NSRP1: variants seen among roughly 807,000 people sequenced by gnomAD.
NSRP1 encodes coiled-coil domain containing 55.
Under a neutral mutation model 54.7 loss-of-function variants are expected in NSRP1, and 24 were observed. That is an observed-to-expected ratio of 0.44 (90% CI 0.32 to 0.62). NSRP1 has a LOEUF of 0.62. NSRP1 is among the 20% of genes least tolerant of loss of function. NSRP1 has a pLI of 0.06. For synonymous variants in NSRP1, 210 were observed against 213.8 expected (o/e 0.98, Z 0.15); for missense variants, 596 against 651.2 (o/e 0.92, Z 0.92).
intron 2 of NSRP1, among the ~76,000 whole-genome samples, chr17:30,142,711 C>T (rs970982079): frequency 1.3e-5 from 2 of 152,182 alleles, no homozygotes; most frequent in African/African-American, 4.8e-5. Flanking sequence ...ATAATTATAT[C>T]TGTGCAGTAA....
In NSRP1 at chr17:30,184,989, A is replaced by T. The variant is rs1157248115; in HGVS notation, c.992A>T (p.His331Leu). 1 of 1,614,114 alleles carries T rather than the reference A, an allele frequency of 6.2e-7. No individual in the cohort carries two copies. The highest frequency in any genetic ancestry group is 1.7e-5 in the Admixed American group (1 of 60,004). ...AAGCAATCCAGAGACCAAGAGAACC[A>T]TTACACTGACCGTGATTACCGGAAA... The part of the protein sequence containing the change: ...QQKQSRDQEN[H>L]YTDRDYRKER... The change falls in exon 7 of 7, where the codon CAT (histidine) becomes CTT (leucine). Residue 331 changes from histidine to leucine, a missense_variant. Transcript: ENST00000247026.
At chr17:30,170,563 A>T (rs1904892509) in intron 2 of NSRP1, among the ~76,000 whole-genome samples, 1 of 152,176 alleles carries the variant, frequency 6.6e-6, no homozygotes, top group Non-Finnish European at 1.5e-5. Context: ...CTGGCTTACC[A>T]TGTAGCATAA....
chr17:30,118,649 C>T (rs1174056503), intron 2 of NSRP1, among the ~76,000 whole-genome samples: 1 of 151,858 alleles, frequency 6.6e-6, no homozygotes, highest in Non-Finnish European at 1.5e-5. Flanking sequence ...ACTACAGTAA[C>T]ATCTAATATC....
chr17:30,117,004 A>G (rs2071539995), intron 1 of NSRP1, 141 bp downstream of exon 1: 10 of 1,070,696 alleles, frequency 9.3e-6, no homozygotes, highest in Non-Finnish European at 1.3e-5. Context: ...AGAAGTCCTG[A>G]GGAACATAGA....
chr17:30,140,631 C>G (rs1427860780), intron 2 of NSRP1, among the ~76,000 whole-genome samples: 1 of 145,298 alleles, frequency 6.9e-6, no homozygotes, highest in Admixed American at 7.2e-5. Flanking sequence ...CAGGCTCAAG[C>G]GATTCTCCTG....
Position 30,176,619 on chromosome 17 carries a change from A to C in NSRP1, c.172-1452A>C, listed in dbSNP as rs1393637510. Among the ~76,000 whole-genome samples, 77 of 49,570 alleles carry C rather than the reference A, an allele frequency of 1.6e-3. 1 individual carries two copies. Among genetic ancestry groups the C allele is most frequent in the Middle Eastern group, 0.011 (1 of 90 alleles). The allele number at this position is 49,570 out of a possible 152,430, so 32.5% of individuals were successfully genotyped here. A position where few individuals can be genotyped will look rare whatever the true frequency, so the allele number is the denominator to read the frequency against. ...TGCAAGACTTCGTCCCCCCCCCCCCAAAAAAAAAACAGCCCTCAGTCTCCC... is the reference window on the plus strand; with the variant it reads ...TGCAAGACTTCGTCCCCCCCCCCCCCAAAAAAAAACAGCCCTCAGTCTCCC... On this transcript the variant is annotated intron_variant, in intron 3 of 6. Transcript: ENST00000247026.
intron 2 of NSRP1, chr17:30,154,380 A>C (rs909679946): frequency 2.0e-5 from 3 of 150,748 alleles, no homozygotes; most frequent in African/African-American, 7.3e-5. Flanking sequence ...CATGTATCTC[A>C]TAATATTATT....
intron 3 of NSRP1, among the ~76,000 whole-genome samples, chr17:30,176,250 T>G (rs996301845): frequency 6.6e-6 from 1 of 152,128 alleles, no homozygotes; most frequent in African/African-American, 2.4e-5. Flanking sequence ...TAGTTAATAG[T>G]AACATATCTA....
At chr17:30,132,833 G>T (rs890164472) in intron 2 of NSRP1, among the ~76,000 whole-genome samples, 2 of 152,206 alleles carry the variant, frequency 1.3e-5, no homozygotes, top group Admixed American at 1.3e-4. Context: ...AATCACAAGT[G>T]TTCTTAATGG....
At chr17:30,167,108 T>G (rs778645229) in intron 2 of NSRP1, among the ~76,000 whole-genome samples, 24 of 152,212 alleles carry the variant, frequency 1.6e-4, no homozygotes, top group Admixed American at 9.2e-4. Flanking sequence ...GTTTTTATTT[T>G]AGCTCCCACA....
At chr17:30,161,636 G>A (rs541284372) in intron 2 of NSRP1, among the ~76,000 whole-genome samples, 89 of 152,290 alleles carry the variant, frequency 5.8e-4, no homozygotes, top group Non-Finnish European at 1.1e-3. Context: ...TGAGAATCTT[G>A]TCCTGTGTAT....
chr17:30,174,260 C>T (rs1205550158), intron 3 of NSRP1, among the ~76,000 whole-genome samples: 1 of 152,032 alleles, frequency 6.6e-6, no homozygotes, highest in African/African-American at 2.4e-5. Context: ...TTGTAGTTTG[C>T]TTGGAAATTA....
At chr17:30,175,471 G>T (rs568393598) in intron 3 of NSRP1, among the ~76,000 whole-genome samples, 1 of 151,916 alleles carries the variant, frequency 6.6e-6, no homozygotes, top group Admixed American at 6.6e-5. Context: ...GTCTTGCTCT[G>T]TACCTAGGCT....
At chr17:30,128,318 T>C (rs968095501) in intron 2 of NSRP1, 6 of 151,710 alleles carry the variant, frequency 4.0e-5, no homozygotes, top group African/African-American at 1.5e-4. Flanking sequence ...GAGACAAATA[T>C]AGAAAAAATA....
At chr17:30,123,342 T>C (rs558610709) in intron 2 of NSRP1, among the ~76,000 whole-genome samples, 1 of 152,222 alleles carries the variant, frequency 6.6e-6, no homozygotes, top group South Asian at 2.1e-4. Flanking sequence ...GGTCTCGAAC[T>C]CCTGACCTTG....
At chr17:30,181,547 GC>G (rs1237438912) in intron 6 of NSRP1, among the ~76,000 whole-genome samples, 3 of 150,148 alleles carry the variant, frequency 2.0e-5, no homozygotes, top group Non-Finnish European at 4.4e-5. Context: ...AAGCCATCAT[GC>G]CCAGCGAATT....
Position 30,184,924 on chromosome 17 carries a change from G to T in NSRP1, c.927G>T (p.Thr309=). The change falls in exon 7 of 7, where the codon ACG becomes ACT. Residue 309 remains threonine, a synonymous_variant. Coordinates refer to ENST00000247026, the MANE Select transcript of NSRP1 (RefSeq NM_032141.4). ...STRHHTKGSR[T]SRGHEKREDQ... ...GGCACCACACGAAAGGATCACGAAC[G>T]TCGAGAGGACATGAGAAAAGGGAAG... is the stretch of plus-strand genomic sequence containing the variant. The T allele has an allele frequency of 6.2e-7, 1 of 1,614,110 alleles. No individual in the cohort carries two copies. The highest frequency in any genetic ancestry group is 1.1e-5 in the South Asian group (1 of 91,072).
At chr17:30,135,983 C>T (rs1162057695) in intron 2 of NSRP1, among the ~76,000 whole-genome samples, 1 of 151,866 alleles carries the variant, frequency 6.6e-6, no homozygotes, top group Non-Finnish European at 1.5e-5. Flanking sequence ...TAGGCCAAGG[C>T]GGGTGGATCA....
chr17:30,136,249 G>A (rs1245179764), intron 2 of NSRP1, among the ~76,000 whole-genome samples: 13 of 152,066 alleles, frequency 8.5e-5, no homozygotes, highest in Admixed American at 7.2e-4. Flanking sequence ...ACATAAAATG[G>A]CTCATTTATT....
Sources: gnomAD v4.1 joint callset for allele counts (sites outside exome capture counted in the v4.1 genomes callset) on GRCh38, gnomAD v4.1.1 for gene constraint, MANE v1.5 for transcripts, NCBI Gene and HGNC (gene_info 2026-07-23, HGNC 2026-07-21) for gene names.